Variants in GRIK2 observed in about 807,000 individuals in gnomAD.
GRIK2 encodes glutamate receptor ionotropic, kainate 2.
In GRIK2, 32 loss-of-function variants were observed where a neutral mutation model predicts 100.3. That is an observed-to-expected ratio of 0.32 (90% CI 0.24 to 0.43). The LOEUF (loss-of-function observed/expected upper bound fraction) is 0.43, where lower values mean the gene tolerates loss of function less well. GRIK2 is among the 20% of genes least tolerant of loss of function. GRIK2 has a pLI of 1.00. For synonymous variants in GRIK2, 417 were observed against 389.4 expected, an observed-to-expected ratio of 1.07 and a Z score of -0.83; for missense variants, 843 against 1,114.9, an observed-to-expected ratio of 0.76 and a Z score of 3.47.
chr6:101,917,263 G>C (rs1340282), intron 12 of GRIK2, among the ~76,000 whole-genome samples: 6,100 of 151,588 alleles, frequency 0.04, 308 homozygotes, highest in East Asian at 0.24. Context: ...CTTTTGTACT[G>C]GAGACACAAC....
At chr6:101,470,355 T>C (rs1433109810) in intron 2 of GRIK2, among the ~76,000 whole-genome samples, 1 of 152,112 alleles carries the variant, frequency 6.6e-6, no homozygotes, top group Non-Finnish European at 1.5e-5. Context: ...GCCATGGCAA[T>C]TGGTGAGAGG....
At position 102,069,667 on chromosome 6, in the gene GRIK2, A is replaced by G. The variant is rs1439351864; in HGVS notation, c.*1156A>G. The G allele has an allele frequency of 6.6e-6, 1 of 152,018 alleles. No individual in the cohort carries two copies. The highest frequency in any genetic ancestry group is 2.4e-5 in the African/African-American group (1 of 41,432). 9.4% of individuals were successfully genotyped at this position (152,018 alleles called of 1,614,324 possible). A position where few individuals can be genotyped will look rare whatever the true frequency, so the allele number is the denominator to read the frequency against. ...AAAATGTTCAGGTTTATTTGTGGAA[A>G]TGCAAGATTTCTATGAAAATAGTTT... On this transcript the variant is annotated 3_prime_UTR_variant, in exon 17 of 17. Coordinates refer to ENST00000369134, the MANE Select transcript of GRIK2 (RefSeq NM_021956.5).
At chr6:102,053,248 G>T (rs1346783814) in intron 15 of GRIK2, among the ~76,000 whole-genome samples, 1 of 152,030 alleles carries the variant, frequency 6.6e-6, no homozygotes, top group African/African-American at 2.4e-5. Flanking sequence ...CTATCATTCT[G>T]TTTAAAATGG....
chr6:101,487,914 T>C (rs1282680520), intron 2 of GRIK2, among the ~76,000 whole-genome samples: 1 of 146,414 alleles, frequency 6.8e-6, no homozygotes, highest in Non-Finnish European at 1.5e-5. Flanking sequence ...TTTATTTTAT[T>C]AGCAGAAAAA....
intron 14 of GRIK2, among the ~76,000 whole-genome samples, chr6:101,951,332 A>C (rs1562506778): frequency 6.6e-6 from 1 of 152,186 alleles, no homozygotes; most frequent in Non-Finnish European, 1.5e-5. Flanking sequence ...CCTGTGTCAA[A>C]TCTGATAGAA....
At position 102,068,595 on chromosome 6, in the gene GRIK2, C is replaced by T. The variant is rs770510595; in HGVS notation, c.*84C>T. On this transcript the variant is annotated 3_prime_UTR_variant, in exon 17 of 17. Transcript: ENST00000369134. ...GAATGTTTCCTGTGGAAATATGCAA[C>T]CTGTGCAAAATAAAATGAGTTACCT... The T allele has an allele frequency of 4.1e-6, 5 of 1,211,930 alleles. No homozygotes were observed. Among genetic ancestry groups the T allele is most frequent in the Non-Finnish European group, 5.9e-6 (5 of 850,698 alleles). The allele number at this position is 1,211,930 out of a possible 1,614,324, so 75.1% of individuals were successfully genotyped here. A position where few individuals can be genotyped will look rare whatever the true frequency, so the allele number is the denominator to read the frequency against.
intron 4 of GRIK2, among the ~76,000 whole-genome samples, chr6:101,676,162 G>A (rs1296799476): frequency 6.6e-6 from 1 of 152,162 alleles, no homozygotes; most frequent in Non-Finnish European, 1.5e-5. Context: ...TAAACGCACA[G>A]AACGTGTTAT....
At chr6:101,582,294 C>T (rs1477966286) in intron 2 of GRIK2, among the ~76,000 whole-genome samples, 2 of 152,166 alleles carry the variant, frequency 1.3e-5, no homozygotes, top group Non-Finnish European at 1.5e-5. Context: ...CATTGTTCAG[C>T]TCCCACTTAG....
At chr6:101,780,054 A>G (rs565355785) in intron 7 of GRIK2, among the ~76,000 whole-genome samples, 12 of 152,242 alleles carry the variant, frequency 7.9e-5, no homozygotes, top group African/African-American at 2.6e-4. Flanking sequence ...AATTGTACTG[A>G]TATTTTTAGT....
intron 7 of GRIK2, among the ~76,000 whole-genome samples, chr6:101,760,772 GT>G (rs1180350403): frequency 1.4e-4 from 17 of 122,838 alleles, no homozygotes; most frequent in African/African-American, 3.7e-4. Flanking sequence ...ATAAATCAAG[GT>G]TAACACAAAC....
intron 11 of GRIK2, among the ~76,000 whole-genome samples, chr6:101,867,681 A>C (rs891656035): frequency 6.6e-6 from 1 of 151,604 alleles, no homozygotes; most frequent in African/African-American, 2.4e-5. Flanking sequence ...TAAGTGTTTA[A>C]TTTTTCTTTC....
At chr6:101,499,095 C>A (rs1234578415) in intron 2 of GRIK2, among the ~76,000 whole-genome samples, 2 of 152,044 alleles carry the variant, frequency 1.3e-5, no homozygotes, top group East Asian at 1.9e-4. Flanking sequence ...GAAACTGGAT[C>A]CCTTCCTTAC....
At chr6:102,035,602 T>A in intron 15 of GRIK2, 36 bp downstream of exon 15, 2 of 1,234,916 alleles carry the variant, frequency 1.6e-6, no homozygotes, top group Non-Finnish European at 2.4e-6. Context: ...CTTTGTTCAT[T>A]AATCTGAGTT....
At chr6:101,753,973 A>C (rs910167237) in intron 7 of GRIK2, among the ~76,000 whole-genome samples, 1 of 152,084 alleles carries the variant, frequency 6.6e-6, no homozygotes, top group Non-Finnish European at 1.5e-5. Context: ...AAGCTATCCA[A>C]TATTGTAATT....
chr6:102,037,696 C>T (rs1420966928), intron 15 of GRIK2, among the ~76,000 whole-genome samples: 1 of 151,190 alleles, frequency 6.6e-6, no homozygotes, highest in Non-Finnish European at 1.5e-5. Flanking sequence ...TTTTTTACTT[C>T]TCAAAATGTG....
intron 11 of GRIK2, among the ~76,000 whole-genome samples, chr6:101,874,222 G>A (rs1785643660): frequency 6.6e-6 from 1 of 151,964 alleles, no homozygotes; most frequent in Admixed American, 6.6e-5. Flanking sequence ...GAGTTTTTAT[G>A]GTTTTAGGTC....
chr6:101,775,731 T>C (rs1318036600), intron 7 of GRIK2, among the ~76,000 whole-genome samples: 1 of 151,642 alleles, frequency 6.6e-6, no homozygotes, highest in Non-Finnish European at 1.5e-5. Context: ...AGTGTGAAGA[T>C]ACAGATTTCT....
intron 14 of GRIK2, among the ~76,000 whole-genome samples, chr6:102,031,777 A>T (rs904059243): frequency 6.6e-6 from 1 of 151,328 alleles, no homozygotes; most frequent in Non-Finnish European, 1.5e-5. Flanking sequence ...AGCTGCATCC[A>T]TGTTGCTGTA....
At chr6:101,701,486 C>T (rs1013971986) in intron 7 of GRIK2, among the ~76,000 whole-genome samples, 3 of 152,096 alleles carry the variant, frequency 2.0e-5, no homozygotes, top group Non-Finnish European at 2.9e-5. Context: ...AGATTTCATT[C>T]GCAGCCTTCA....
Sources: allele counts gnomAD v4.1 joint callset (sites outside exome capture counted in the v4.1 genomes callset), GRCh38; gene constraint gnomAD v4.1.1; transcripts MANE v1.5; gene names NCBI Gene and HGNC (gene_info 2026-07-23, HGNC 2026-07-21).